The following HCRTR2 variants were observed in gnomAD, a reference collection of about 807,000 sequenced individuals.
HCRTR2 encodes the protein orexin receptor type 2.
In HCRTR2, 22 loss-of-function variants were observed where a neutral mutation model predicts 49.0. That is an observed-to-expected ratio of 0.45 (90% confidence interval 0.32 to 0.64). The LOEUF (loss-of-function observed/expected upper bound fraction) is 0.64, where lower values mean the gene tolerates loss of function less well. Among genes scored for constraint, HCRTR2 ranks in the 30% least tolerant of loss-of-function variants. The probability of loss-of-function intolerance (pLI) is 0.04; values close to 1 mark genes in which losing one functional copy is unlikely to be tolerated. For synonymous variants in HCRTR2, 236 were observed against 205.3 expected (o/e 1.15, Z -1.28); for missense variants, 491 against 559.4 (o/e 0.88, Z 1.23).
chr6:55,171,927 T>C (rs1001192068), upstream of HCRTR2, among the ~76,000 whole-genome samples: 1 of 152,168 alleles, frequency 6.6e-6, no homozygotes, highest in East Asian at 1.9e-4. Flanking sequence ...TTTGCAGATG[T>C]TAATGAATAT....
chr6:55,258,154 T>A (rs981960145), intron 3 of HCRTR2, among the ~76,000 whole-genome samples: 1 of 152,154 alleles, frequency 6.6e-6, no homozygotes, highest in Non-Finnish European at 1.5e-5. Flanking sequence ...CTCTCTAAAT[T>A]CAAATATTTT....
chr6:55,234,362 C>T (rs1298489084), intron 1 of HCRTR2, among the ~76,000 whole-genome samples: 1 of 151,754 alleles, frequency 6.6e-6, no homozygotes, highest in Non-Finnish European at 1.5e-5. Context: ...ATGACACATA[C>T]AATTTAAGAA....
At chr6:55,177,006 C>T (rs1765051698) in intron 1 of HCRTR2, among the ~76,000 whole-genome samples, 1 of 152,080 alleles carries the variant, frequency 6.6e-6, no homozygotes, top group South Asian at 2.1e-4. Context: ...TGCATTTTTA[C>T]CTTGCATAGA....
At chr6:55,145,164 T>C in intron 1 of HCRTR2, among the ~76,000 whole-genome samples, 1 of 152,210 alleles carries the variant, frequency 6.6e-6, no homozygotes, top group East Asian at 1.9e-4. Context: ...ATTTACCTTG[T>C]CTTCATATTC....
intron 1 of HCRTR2, among the ~76,000 whole-genome samples, chr6:55,200,912 G>T (rs1158360110): frequency 1.3e-5 from 2 of 151,876 alleles, no homozygotes; most frequent in East Asian, 3.9e-4. Context: ...ATCTAGTGTT[G>T]TCTTGATTTT....
chr6:55,238,057 A>G (rs1581848147), intron 1 of HCRTR2, among the ~76,000 whole-genome samples: 1 of 152,194 alleles, frequency 6.6e-6, no homozygotes, highest in East Asian at 1.9e-4. Flanking sequence ...GTATAGAACC[A>G]TAAATCTAAA....
intron 2 of HCRTR2, among the ~76,000 whole-genome samples, chr6:55,249,331 T>G (rs1158927416): frequency 3.9e-5 from 6 of 152,170 alleles, no homozygotes; most frequent in African/African-American, 1.4e-4. Flanking sequence ...TAAGACCTAC[T>G]TGGTCAAATC....
chr6:55,271,036 C>T (rs1766963351), intron 4 of HCRTR2, among the ~76,000 whole-genome samples: 1 of 152,038 alleles, frequency 6.6e-6, no homozygotes. Flanking sequence ...GTATTTTGGA[C>T]ACAAATTGAC....
At chr6:55,146,616 A>G (rs1308737060) in intron 1 of HCRTR2, among the ~76,000 whole-genome samples, 1 of 150,306 alleles carries the variant, frequency 6.7e-6, no homozygotes, top group African/African-American at 2.4e-5. Context: ...TCTCCTTAAG[A>G]TGACTGTTAC....
intron 1 of HCRTR2, among the ~76,000 whole-genome samples, chr6:55,122,604 GC>G (rs1764216788): frequency 6.6e-6 from 1 of 151,968 alleles, no homozygotes; most frequent in African/African-American, 2.4e-5. Flanking sequence ...GGCATTTAGT[GC>G]TGTAAATTTC....
intron 1 of HCRTR2, among the ~76,000 whole-genome samples, chr6:55,138,515 C>A (rs111751392): frequency 2.0e-5 from 3 of 152,166 alleles, no homozygotes; most frequent in Non-Finnish European, 4.4e-5. Flanking sequence ...CTGCTTGCCA[C>A]GGTAGTCGTA....
chr6:55,268,838 C>T (rs1368095388), intron 4 of HCRTR2, among the ~76,000 whole-genome samples: 1 of 151,948 alleles, frequency 6.6e-6, no homozygotes, highest in Non-Finnish European at 1.5e-5. Flanking sequence ...CCCCTGTAAT[C>T]CCAGCACTTT....
chr6:55,282,630 T>G, downstream of HCRTR2: 1 of 600,032 alleles, frequency 1.7e-6, no homozygotes, highest in Non-Finnish European at 2.9e-6. Flanking sequence ...ATTTCTCAAC[T>G]TTTGATTTAA....
At chr6:55,183,288 A>C (rs78151885) in intron 1 of HCRTR2, among the ~76,000 whole-genome samples, 1,644 of 152,300 alleles carry the variant, frequency 0.011, 31 homozygotes, top group African/African-American at 0.037. Context: ...ACTGAGTTTT[A>C]ATAGATGAAT....
chr6:55,230,867 A>G (rs1166368509), intron 1 of HCRTR2, among the ~76,000 whole-genome samples: 1 of 149,692 alleles, frequency 6.7e-6, no homozygotes, highest in South Asian at 2.1e-4. Context: ...TTTACGGTTC[A>G]TTTCTAGCCA....
intron 3 of HCRTR2, among the ~76,000 whole-genome samples, chr6:55,260,406 G>T (rs1039090523): frequency 2.0e-5 from 3 of 152,146 alleles, no homozygotes; most frequent in Admixed American, 2.0e-4. Flanking sequence ...GTAGGCTGTG[G>T]CACTTCAAAG....
intron 1 of HCRTR2, among the ~76,000 whole-genome samples, chr6:55,184,872 C>A (rs868154356): frequency 6.6e-6 from 1 of 152,140 alleles, no homozygotes; most frequent in Admixed American, 6.5e-5. Context: ...CACTACATTG[C>A]TAGAAATGGG....
upstream of HCRTR2, chr6:55,174,488 T>C (rs201629106): frequency 4.0e-5 from 40 of 1,012,268 alleles, no homozygotes; most frequent in African/African-American, 3.0e-4. Context: ...GAGCCCCTTC[T>C]AGCCTCTCCG....
chr6:55,135,526 T>C (rs1764421892), intron 1 of HCRTR2, among the ~76,000 whole-genome samples: 1 of 152,126 alleles, frequency 6.6e-6, no homozygotes, highest in Non-Finnish European at 1.5e-5. Context: ...CTCCATATTT[T>C]AGAGCAATCA....
Sources: gnomAD v4.1 joint callset for allele counts (sites outside exome capture counted in the v4.1 genomes callset) on GRCh38, gnomAD v4.1.1 for gene constraint, MANE v1.5 for transcripts, NCBI Gene and HGNC (gene_info 2026-07-23, HGNC 2026-07-21) for gene names.